Variants in RFTN1 observed in about 807,000 individuals in gnomAD.
RFTN1 encodes raftlin, lipid raft linker 1.
Under a neutral mutation model 46.5 loss-of-function variants are expected in RFTN1, and 26 were observed. That is an observed-to-expected ratio of 0.56 (90% CI 0.41 to 0.78). RFTN1 has a LOEUF of 0.78. RFTN1 is among the 30% of genes least tolerant of loss of function. The pLI, the probability that RFTN1 is intolerant of heterozygous loss-of-function variation, is 0.00. For missense variants in RFTN1, 693 were observed against 718.7 expected, an observed-to-expected ratio of 0.96 and a Z score of 0.41; for synonymous variants, 261 against 284.2, an observed-to-expected ratio of 0.92 and a Z score of 0.82.
At chr3:16,439,622 G>C (rs2075582732) in intron 2 of RFTN1, among the ~76,000 whole-genome samples, 1 of 152,280 alleles carries the variant, frequency 6.6e-6, no homozygotes, top group African/African-American at 2.4e-5. Flanking sequence ...TTAACTAAAA[G>C]AGTTCCCCCA....
chr3:16,455,983 C>T (rs2075898551), intron 2 of RFTN1, among the ~76,000 whole-genome samples: 1 of 151,256 alleles, frequency 6.6e-6, no homozygotes, highest in Non-Finnish European at 1.5e-5. Context: ...GCCCCCACCC[C>T]CGTCTCTGCA....
At chr3:16,399,099 G>A (rs189932215) in intron 4 of RFTN1, among the ~76,000 whole-genome samples, 199 of 152,216 alleles carry the variant, frequency 1.3e-3, no homozygotes, top group Admixed American at 4.4e-3. Context: ...TATTTCATAT[G>A]ATATGTGCTC....
At chr3:16,503,272 C>A (rs2076744478) in intron 1 of RFTN1, among the ~76,000 whole-genome samples, 1 of 152,170 alleles carries the variant, frequency 6.6e-6, no homozygotes, top group Non-Finnish European at 1.5e-5. Flanking sequence ...GTTAAAAATG[C>A]AGGATCCCAG....
At chr3:16,332,530 CAG>C (rs56937066) in intron 7 of RFTN1, among the ~76,000 whole-genome samples, 4,274 of 152,042 alleles carry the variant, frequency 0.028, 118 homozygotes, top group East Asian at 0.11. Context: ...TTGCATGTGA[CAG>C]AGATGGGGAA....
chr3:16,507,220 A>G lies in RFTN1; in HGVS notation c.-9+6222T>C, dbSNP rs369885188. On this transcript the variant is annotated intron_variant, in intron 1 of 9. Transcript: ENST00000334133. This position sits in a 1 kb window ranked among gnomAD's most constrained non-coding sequence, Gnocchi z 7.1. ...CAGTATAAATATTAACCGTTTTAGT[A>G]CTCTACTGGGATTACTTGTTGCTCA... is the stretch of plus-strand genomic sequence containing the variant. 7.9e-5 allele frequency among the ~76,000 whole-genome samples: 12 copies of G among 152,168 alleles called. No individual in the cohort carries two copies. Among genetic ancestry groups the G allele is most frequent in the African/African-American group, 2.9e-4 (12 of 41,510 alleles).
intron 2 of RFTN1, among the ~76,000 whole-genome samples, chr3:16,472,786 C>T (rs2076220329): frequency 6.6e-6 from 1 of 152,232 alleles, no homozygotes; most frequent in African/African-American, 2.4e-5. Flanking sequence ...CTCTTCATTA[C>T]ACAGGAGTGA....
At chr3:16,349,521 T>C (rs367690048) in intron 7 of RFTN1, 2 of 152,378 alleles carry the variant, frequency 1.3e-5, no homozygotes, top group African/African-American at 2.4e-5. Context: ...AGATGAGGTA[T>C]GTGAACTACG....
Position 16,460,715 on chromosome 3 carries a change from C to T in RFTN1, c.146-26678G>A, listed in dbSNP as rs2075994294. The stretch of plus-strand genomic sequence containing the variant: ...GCAAGAGACACGTGAGCAGACGTCA[C>T]TTGAGCCTCATTTTCCATGCCAAAA... On this transcript the variant is annotated intron_variant, in intron 2 of 9. Transcript: ENST00000334133. This position sits in a 1 kb window ranked among gnomAD's most constrained non-coding sequence, Gnocchi z 4.8. 6.6e-6 allele frequency among the ~76,000 whole-genome samples: 1 copy of T among 152,164 alleles called. No individual in the cohort carries two copies. Among genetic ancestry groups the T allele is most frequent in the African/African-American group, 2.4e-5 (1 of 41,432 alleles).
At chr3:16,487,224 AT>A (rs2076461746) in intron 2 of RFTN1, among the ~76,000 whole-genome samples, 1 of 152,236 alleles carries the variant, frequency 6.6e-6, no homozygotes, top group African/African-American at 2.4e-5. Flanking sequence ...GTTCACCCAA[AT>A]GTCCCCAAGA....
At chr3:16,493,672 G>T in intron 2 of RFTN1, 53 bp downstream of exon 2, 1 of 1,464,974 alleles carries the variant, frequency 6.8e-7, no homozygotes, top group Non-Finnish European at 9.2e-7. Flanking sequence ...TCCCCTGCAG[G>T]CCCCTGCTGG....
rs1444356404 is a variant in RFTN1 at position 16,380,775 on chromosome 3, G to C, written c.442-2673C>G. On this transcript the variant is annotated intron_variant, in intron 4 of 9. Coordinates refer to ENST00000334133, the MANE Select transcript of RFTN1 (RefSeq NM_015150.2). The surrounding 1 kb of genome is among the most constrained non-coding windows in gnomAD (Gnocchi z 4.8). ...CTGCTCTAGAATACACATTTCATGA[G>C]GGCTGGGGTAGTTTGCACTGCTGCA... 6.6e-6 allele frequency among the ~76,000 whole-genome samples: 1 copy of C among 152,206 alleles called. No individual in the cohort carries two copies. Among genetic ancestry groups the C allele is most frequent in the Non-Finnish European group, 1.5e-5 (1 of 68,032 alleles).
rs918012215 is a variant in RFTN1, at chr3:16,341,836, G to A, written c.1147-14960C>T. On this transcript the variant is annotated intron_variant, in intron 7 of 9. Coordinates refer to ENST00000334133, the MANE Select transcript of RFTN1 (RefSeq NM_015150.2). This position sits in a 1 kb window ranked among gnomAD's most constrained non-coding sequence, Gnocchi z 4.7. ...TCAGCATACAGTTACATACAAAAAT[G>A]TATAACAGTTTGAAGAGTATGATAC... Among the ~76,000 whole-genome samples, 5 of 152,108 alleles carry A rather than the reference G, an allele frequency of 3.3e-5. No individual in the cohort carries two copies. Among genetic ancestry groups the A allele is most frequent in the Admixed American group, 6.5e-5 (1 of 15,274 alleles).
chr3:16,475,263 A>C lies in RFTN1; in HGVS notation c.145+18462T>G, dbSNP rs2076262283. On this transcript the variant is annotated intron_variant, in intron 2 of 9. Coordinates refer to ENST00000334133, the MANE Select transcript of RFTN1 (RefSeq NM_015150.2). This position sits in a 1 kb window ranked among gnomAD's most constrained non-coding sequence, Gnocchi z 4.2. ...ATCCAAATAAACTTTTTTTCTTTAT[A>C]AATTGCCCAGTTTCAAGTATTCTTT... Among the ~76,000 whole-genome samples the C allele has an allele frequency of 6.6e-6, 1 of 152,212 alleles. No homozygotes were observed. The highest frequency in any genetic ancestry group is 1.5e-5 in the Non-Finnish European group (1 of 68,034).
At chr3:16,389,986 C>T (rs978097855) in intron 4 of RFTN1, among the ~76,000 whole-genome samples, 2 of 152,164 alleles carry the variant, frequency 1.3e-5, no homozygotes. Flanking sequence ...AGCAGTCTGT[C>T]GAGAGGCCTA....
At chr3:16,368,636 A>C (rs1559297843) in intron 6 of RFTN1, among the ~76,000 whole-genome samples, 1 of 145,236 alleles carries the variant, frequency 6.9e-6, no homozygotes, top group African/African-American at 2.6e-5. Flanking sequence ...GCGCCACTGC[A>C]TTCCAGCACT....
chr3:16,475,008 TA>T lies in RFTN1; in HGVS notation c.145+18716del, dbSNP rs898014039. ...GGCCTAGTGGGAGGTGTTTGGGTCA[TA>T]GGGGCGGATCCCTCACGAAAGGCTT... On this transcript the variant is annotated intron_variant, in intron 2 of 9. Transcript: ENST00000334133. This position sits in a 1 kb window ranked among gnomAD's most constrained non-coding sequence, Gnocchi z 4.2. Among the ~76,000 whole-genome samples, 7 of 152,218 alleles carry T rather than the reference TA, an allele frequency of 4.6e-5. No individual in the cohort carries two copies. The highest frequency in any genetic ancestry group is 1.4e-4 in the African/African-American group (6 of 41,454).
In RFTN1 at chr3:16,427,967, A is replaced by C. The variant is rs1245822545; in HGVS notation, c.332+5884T>G. Among the ~76,000 whole-genome samples, 1 of 152,184 alleles carries C rather than the reference A, an allele frequency of 6.6e-6. No individual in the cohort carries two copies. The highest frequency in any genetic ancestry group is 1.5e-5 in the Non-Finnish European group (1 of 68,044). Reference sequence around the variant, plus strand: ...CTCTCATTAACAAATTCCAGGTTAGAGATGCAAACCAAGACCTGTAGACTT... The same window carrying C: ...CTCTCATTAACAAATTCCAGGTTAGCGATGCAAACCAAGACCTGTAGACTT... On this transcript the variant is annotated intron_variant, in intron 3 of 9. Coordinates refer to ENST00000334133, the MANE Select transcript of RFTN1 (RefSeq NM_015150.2). This position sits in a 1 kb window ranked among gnomAD's most constrained non-coding sequence, Gnocchi z 5.4.
chr3:16,459,427 C>G lies in RFTN1; in HGVS notation c.146-25390G>C, dbSNP rs2075969801. 6.6e-6 allele frequency among the ~76,000 whole-genome samples: 1 copy of G among 152,080 alleles called. No homozygotes were observed. The highest frequency in any genetic ancestry group is 2.1e-4 in the South Asian group (1 of 4,826). ...CTTTGGGAGGCTGAAGCGGGAGTCT[C>G]TACTTTAAAAATTTAAAAATGAGCC... On this transcript the variant is annotated intron_variant, in intron 2 of 9. Transcript: ENST00000334133. This position sits in a 1 kb window ranked among gnomAD's most constrained non-coding sequence, Gnocchi z 4.2.
At chr3:16,343,206 C>T (rs1344792858) in intron 7 of RFTN1, among the ~76,000 whole-genome samples, 1 of 152,152 alleles carries the variant, frequency 6.6e-6, no homozygotes, top group Non-Finnish European at 1.5e-5. Flanking sequence ...AACCACTGCG[C>T]TAGTCCTTCC....
Sources: gnomAD v4.1 joint callset for allele counts (sites outside exome capture counted in the v4.1 genomes callset) on GRCh38, gnomAD v4.1.1 for gene constraint, Gnocchi (gnomAD v3.1) non-coding constraint, MANE v1.5 for transcripts, NCBI Gene and HGNC (gene_info 2026-07-23, HGNC 2026-07-21) for gene names.